Variants in XPO4 observed in about 807,000 individuals in gnomAD.
XPO4 encodes exportin-4.
A neutral mutation model predicts 143.0 loss-of-function variants in XPO4; 39 were observed. That is an observed-to-expected ratio of 0.27 (90% CI 0.21 to 0.36). The LOEUF (loss-of-function observed/expected upper bound fraction) is 0.36, where lower values mean the gene tolerates loss of function less well. XPO4 is among the 10% of genes least tolerant of loss of function. The probability of loss-of-function intolerance (pLI) is 1.00; values close to 1 mark genes in which losing one functional copy is unlikely to be tolerated. For missense variants in XPO4, 907 were observed against 1,348.0 expected, an observed-to-expected ratio of 0.67 and a Z score of 5.12; for synonymous variants, 439 against 474.0, an observed-to-expected ratio of 0.93 and a Z score of 0.96.
intron 2 of XPO4, chr13:20,866,305 G>GAGAA: frequency 1.0e-6 from 1 of 984,814 alleles, no homozygotes; most frequent in African/African-American, 1.7e-5. Context: ...AGGATAAGAA[G>GAGAA]AGAAAGAAAT....
intron 13 of XPO4, among the ~76,000 whole-genome samples, chr13:20,804,858 G>A (rs796085108): frequency 3.8e-4 from 58 of 152,128 alleles, no homozygotes; most frequent in African/African-American, 1.3e-3. Context: ...CTATAGGTCT[G>A]AGCCACCATC....
At chr13:20,867,221 A>C (rs1000448010) in intron 2 of XPO4, among the ~76,000 whole-genome samples, 1 of 152,228 alleles carries the variant, frequency 6.6e-6, no homozygotes, top group Non-Finnish European at 1.5e-5. Flanking sequence ...AAATTAATTA[A>C]AATGGCTTCA....
chr13:20,834,457 A>G (rs1400523256), intron 6 of XPO4, among the ~76,000 whole-genome samples: 1 of 151,724 alleles, frequency 6.6e-6, no homozygotes, highest in East Asian at 1.9e-4. Flanking sequence ...CTATAGTCCC[A>G]GTTACTCAAG....
rs763708512 is a variant in XPO4 at position 20,800,143 on chromosome 13, A to G, written c.2147+13T>C. 6.2e-6 allele frequency: 10 copies of G among 1,613,834 alleles called. No homozygotes were observed. Among genetic ancestry groups the G allele is most frequent in the Non-Finnish European group, 8.5e-6 (10 of 1,179,900 alleles). The stretch of plus-strand genomic sequence containing the variant: ...CACATACACACACAGTCAGCCTCCA[A>G]CAATGGGCTAACCTTTCTCTTCTTT... On this transcript the variant is annotated intron_variant, in intron 15 of 22. Coordinates refer to ENST00000255305, the MANE Select transcript of XPO4 (RefSeq NM_022459.5).
At chr13:20,852,409 C>A (rs779750989) in intron 4 of XPO4, 11 of 985,416 alleles carry the variant, frequency 1.1e-5, no homozygotes, top group Non-Finnish European at 1.3e-5. Context: ...AGTATATCCA[C>A]CACTTCTTTT....
At chr13:20,856,851 C>G in intron 3 of XPO4, 5 of 985,384 alleles carry the variant, frequency 5.1e-6, no homozygotes, top group Non-Finnish European at 6.0e-6. Flanking sequence ...TATGACGTCA[C>G]TTTCTCCAGA....
At chr13:20,788,091 T>G (rs1455509067) in intron 20 of XPO4, among the ~76,000 whole-genome samples, 2 of 151,250 alleles carry the variant, frequency 1.3e-5, no homozygotes, top group Non-Finnish European at 2.9e-5. Flanking sequence ...GTTTCACTCT[T>G]GTTGCCCAGG....
At chr13:20,840,751 C>T (rs542387504) in intron 6 of XPO4, among the ~76,000 whole-genome samples, 1 of 152,264 alleles carries the variant, frequency 6.6e-6, no homozygotes, top group African/African-American at 2.4e-5. Context: ...AGTTCTTTCT[C>T]CCACACTTAA....
At chr13:20,792,525 C>T (rs1459964791) in intron 18 of XPO4, among the ~76,000 whole-genome samples, 10 of 151,934 alleles carry the variant, frequency 6.6e-5, no homozygotes, top group African/African-American at 9.7e-5. Flanking sequence ...GCCAAGATGG[C>T]GCCACCGCAG....
At chr13:20,826,573 G>A (rs1370365713) in intron 7 of XPO4, among the ~76,000 whole-genome samples, 1 of 152,240 alleles carries the variant, frequency 6.6e-6, no homozygotes. Context: ...AAGATAATCT[G>A]ACTGTCTTCT....
Position 20,782,997 on chromosome 13 carries a change from A to AAAGCAAGAAAAGCAAGAAAGCAAGC in XPO4, c.*700_*724dup, listed in dbSNP as rs2059158857. ...AGAGAGAAAAGAAAGAGAGAGACAG[A>AAAGCAAGAAAAGCAAGAAAGCAAGC]AAGCAAGAAAAGCAAGAAAGCAAGC... On this transcript the variant is annotated 3_prime_UTR_variant, in exon 23 of 23. Coordinates refer to ENST00000255305, the MANE Select transcript of XPO4 (RefSeq NM_022459.5). The AAAGCAAGAAAAGCAAGAAAGCAAGC allele has an allele frequency of 2.0e-5, 3 of 152,446 alleles. No individual in the cohort carries two copies. The highest frequency in any genetic ancestry group is 2.9e-5 in the Non-Finnish European group (2 of 68,066). The allele number at this position is 152,446 out of a possible 1,614,324, so 9.4% of individuals were successfully genotyped here. A position where few individuals can be genotyped will look rare whatever the true frequency, so the allele number is the denominator to read the frequency against.
intron 6 of XPO4, among the ~76,000 whole-genome samples, chr13:20,834,538 A>G (rs376403673): frequency 2.6e-5 from 4 of 151,050 alleles, no homozygotes; most frequent in African/African-American, 9.8e-5. Context: ...ACACCCCTGC[A>G]CTCCAGCCTG....
At chr13:20,849,421 T>G in intron 4 of XPO4, 1 of 984,858 alleles carries the variant, frequency 1.0e-6, no homozygotes, top group Non-Finnish European at 1.2e-6. Flanking sequence ...CCTACTGCTT[T>G]CAAAGGAAAT....
At chr13:20,787,730 A>G in intron 20 of XPO4, 132 bp from the exon 21 acceptor site, 3 of 669,286 alleles carry the variant, frequency 4.5e-6, no homozygotes, top group Non-Finnish European at 7.6e-6. Context: ...ACTCATGGGC[A>G]ATATCTTCAC....
chr13:20,794,646 T>C (rs2059332227), intron 18 of XPO4, among the ~76,000 whole-genome samples: 1 of 152,042 alleles, frequency 6.6e-6, no homozygotes, highest in Non-Finnish European at 1.5e-5. Flanking sequence ...GGTGGGAGAA[T>C]AGTTTAAGCC....
chr13:20,857,844 A>C (rs2060159814), intron 3 of XPO4: 1 of 985,380 alleles, frequency 1.0e-6, no homozygotes, highest in Non-Finnish European at 1.2e-6. Context: ...ACTATGCTAC[A>C]CTTGCCTCTT....
Position 20,809,092 on chromosome 13 carries a change from A to G in XPO4, c.1484T>C (p.Leu495Pro). The change falls in exon 11 of 23, where the codon CTT (leucine) becomes CCT (proline). Residue 495 changes from leucine to proline, a missense_variant. By Grantham distance (98) the Leu-to-Pro change is moderately conservative (BLOSUM62 -3). Coordinates refer to ENST00000255305, the MANE Select transcript of XPO4 (RefSeq NM_022459.5). ...TTTGGACTGTGTGTACCTTGTCAGA[A>G]GAGGTATACAGTGTTCTGCAGCAAT... The part of the protein sequence containing the change: ...GRIAAEHCIP[L>P]LTSLLEERVT... 6.2e-7 allele frequency: 1 copy of G among 1,613,532 alleles called. No homozygotes were observed. The highest frequency in any genetic ancestry group is 2.2e-5 in the East Asian group (1 of 44,880).
chr13:20,869,952 AAAT>A (rs1370270804), intron 1 of XPO4, among the ~76,000 whole-genome samples: 1 of 152,078 alleles, frequency 6.6e-6, no homozygotes, highest in Non-Finnish European at 1.5e-5. Context: ...AAAAATATGA[AAAT>A]ATTAGCCGGG....
intron 6 of XPO4, among the ~76,000 whole-genome samples, chr13:20,832,454 G>C (rs1392626535): frequency 6.6e-6 from 1 of 152,096 alleles, no homozygotes; most frequent in Non-Finnish European, 1.5e-5. Context: ...AGCAAATATG[G>C]ACAATCTGAA....
Sources: gnomAD v4.1 joint callset for allele counts (sites outside exome capture counted in the v4.1 genomes callset) on GRCh38, gnomAD v4.1.1 for gene constraint, MANE v1.5 for transcripts, NCBI Gene and HGNC (gene_info 2026-07-23, HGNC 2026-07-21) for gene names.